The following POLG variants were observed in gnomAD, a reference collection of about 807,000 sequenced individuals.
The protein encoded by POLG is DNA polymerase gamma, catalytic subunit.
Under a neutral mutation model 155.4 loss-of-function variants are expected in POLG, and 110 were observed. The observed-to-expected ratio is 0.71, with a 90% confidence interval of 0.61 to 0.83. POLG has a LOEUF of 0.83. Ranked by LOEUF, POLG falls within the 40% of genes least tolerant of loss-of-function variation. POLG has a pLI of 0.00. For missense variants in POLG, 1,685 were observed against 1,627.5 expected (o/e 1.04, Z -0.61); for synonymous variants, 701 against 631.5 (o/e 1.11, Z -1.65).
chr15:89,325,199 TGAGTGAGAGAGTGAGTGAGTGAGA>T (rs2055486033), intron 10 of POLG, among the ~76,000 whole-genome samples: 3 of 45,862 alleles, frequency 6.5e-5, no homozygotes, highest in East Asian at 5.6e-4. Context: ...AGTGAGAGAG[TGAGTGAGAGAGTGAGTGAGTGAGA>T]GAGTGAGTGA....
rs934302072 is a variant in POLG at position 89,325,261 on chromosome 15, A to T, written c.1949+189T>A. On this transcript the variant is annotated intron_variant, in intron 10 of 22. Coordinates refer to ENST00000268124, the MANE Select transcript of POLG (RefSeq NM_002693.3). ...GAGTGAGTGAGTGAGAGAGAGAGTGAGTGAGTGAGTGAGAGAGAGAGAAAG... is the reference window on the plus strand; with the variant it reads ...GAGTGAGTGAGTGAGAGAGAGAGTGTGTGAGTGAGTGAGAGAGAGAGAAAG... Among the ~76,000 whole-genome samples, 278 of 108,674 alleles carry T rather than the reference A, an allele frequency of 2.6e-3. 49 individuals are homozygous for T. The highest frequency in any genetic ancestry group is 8.8e-3 in the Middle Eastern group (2 of 228). The allele number at this position is 108,674 out of a possible 152,430, so 71.3% of individuals were successfully genotyped here.
chr15:89,320,985 A>G lies in POLG; in HGVS notation c.2762T>C (p.Leu921Pro), dbSNP rs2152061053. The G allele has an allele frequency of 1.2e-6, 2 of 1,614,046 alleles. No individual in the cohort carries two copies. The highest frequency in any genetic ancestry group is 1.7e-6 in the Non-Finnish European group (2 of 1,180,018). The change falls in exon 18 of 23, where the codon CTG (leucine) becomes CCG (proline). Residue 921 changes from leucine (L) to proline (P), a missense_variant. By Grantham distance (98) the Leu-to-Pro change is moderately conservative. Coordinates refer to ENST00000268124, the MANE Select transcript of POLG (RefSeq NM_002693.3). ...HGCTAFGWMTLQGRKSRGTDL... is the reference protein window; with the variant it reads ...HGCTAFGWMTPQGRKSRGTDL... ...AGTGCCCCTGCTCTTCCTGCCCTGCAGTGTCATCCACCCAAAGGCTGTGCA... is the reference window on the plus strand; with the variant it reads ...AGTGCCCCTGCTCTTCCTGCCCTGCGGTGTCATCCACCCAAAGGCTGTGCA...
Position 89,323,391 on chromosome 15 carries a change from AC to A in POLG, c.2265+12del. 2 of 1,561,560 alleles carry A rather than the reference AC, an allele frequency of 1.3e-6. No homozygotes were observed. Among genetic ancestry groups the A allele is most frequent in the Non-Finnish European group, 1.8e-6 (2 of 1,132,192 alleles). On this transcript the variant is annotated intron_variant, in intron 13 of 22. Coordinates refer to ENST00000268124, the MANE Select transcript of POLG (RefSeq NM_002693.3). Reference sequence around the variant, plus strand: ...AGGAAACACCACAGGACAGGCCATGACCCAGGACACACCTTGTGAGGCAGCT... The same window carrying A: ...AGGAAACACCACAGGACAGGCCATGACCAGGACACACCTTGTGAGGCAGCT...
Position 89,327,053 on chromosome 15 carries a change from C to G in POLG, c.1444G>C (p.Asp482His). 6.2e-7 allele frequency: 1 copy of G among 1,614,224 alleles called. No individual in the cohort carries two copies. Among genetic ancestry groups the G allele is most frequent in the Non-Finnish European group, 8.5e-7 (1 of 1,180,044 alleles). Residue 482 changes from aspartate (D) to histidine (H), a missense_variant, in exon 8 of 23, where the codon GAC (aspartate) becomes CAC (histidine). Asp to His is a moderately conservative substitution (Grantham distance 81). Coordinates refer to ENST00000268124, the MANE Select transcript of POLG (RefSeq NM_002693.3). The part of the protein sequence containing the change: ...QLLSGERYKE[D>H]PWLWDLEWDL... Reference sequence around the variant, plus strand: ...CACTCCAGGTCCCAGAGCCAGGGGTCTTCTTTGTACCTACAGAGCCAGTCC... The same window carrying G: ...CACTCCAGGTCCCAGAGCCAGGGGTGTTCTTTGTACCTACAGAGCCAGTCC...
intron 3 of POLG, among the ~76,000 whole-genome samples, chr15:89,329,417 C>T (rs1235631541): frequency 1.3e-5 from 2 of 152,166 alleles, no homozygotes; most frequent in East Asian, 1.9e-4. Context: ...TACAGAGTGG[C>T]CAAAATAAAG....
At chr15:89,318,476 G>T in intron 21 of POLG, 65 bp downstream of exon 21, 1 of 1,364,250 alleles carries the variant, frequency 7.3e-7, no homozygotes, top group Non-Finnish European at 1.0e-6. Flanking sequence ...CTGGCCCAAG[G>T]AACGCTCACC....
At chr15:89,329,175 A>G in intron 3 of POLG, 65 bp from the exon 4 acceptor site, 1 of 1,432,700 alleles carries the variant, frequency 7.0e-7, no homozygotes, top group Middle Eastern at 2.4e-4. Context: ...CCAGCCCACC[A>G]CTGCTTGGTG....
chr15:89,328,771 G>A lies in POLG; in HGVS notation c.1084C>T (p.Leu362Phe). 1 of 1,614,118 alleles carries A rather than the reference G, an allele frequency of 6.2e-7. No individual in the cohort carries two copies. Among genetic ancestry groups the A allele is most frequent in the Non-Finnish European group, 8.5e-7 (1 of 1,180,012 alleles). The part of the protein sequence containing the change: ...SVNSLAEVHR[L>F]YVGGPPLEKE... ...TCTAAGGGAGGCCCCCCTACATAAA[G>A]TCTGTGCACCTCTGCCAGACTGTTG... is the stretch of plus-strand genomic sequence containing the variant. Residue 362 changes from leucine to phenylalanine, a missense_variant, in exon 5 of 23, where the codon CTT becomes TTT. Physicochemically the swap from Leu to Phe is conservative, Grantham distance 22. This residue lies in a region of POLG where 1,210 missense variants were observed against 1,167.1 expected (regional missense o/e 1.04). Coordinates refer to ENST00000268124, the MANE Select transcript of POLG (RefSeq NM_002693.3).
chr15:89,318,844 AC>A (rs2055348738), intron 20 of POLG, 86 bp downstream of exon 20: 11 of 1,568,094 alleles, frequency 7.0e-6, no homozygotes, highest in African/African-American at 1.4e-5. Flanking sequence ...CTCTGGCCCT[AC>A]CTACAAACAT....
At position 89,322,921 on chromosome 15, in the gene POLG, G is replaced by A. The variant is rs780096431; in HGVS notation, c.2266-19C>T. 1.2e-5 allele frequency: 19 copies of A among 1,609,870 alleles called. No homozygotes were observed. Among genetic ancestry groups the A allele is most frequent in the Middle Eastern group, 2.1e-4 (1 of 4,740 alleles). ...TACCATCCTGGACAGAGCAAAGGAA[G>A]CAGGGGCTGGAGGCAGGTGGCAGAC... On this transcript the variant is annotated intron_variant, in intron 13 of 22. Transcript: ENST00000268124.
chr15:89,334,628 G>A lies in POLG; in HGVS notation c.-160+45C>T, dbSNP rs2286353. 0.021 allele frequency: 3,206 copies of A among 152,578 alleles called. 96 individuals are homozygous for A. The highest frequency in any genetic ancestry group is 0.084 in the East Asian group (436 of 5,182). The allele number at this position is 152,578 out of a possible 1,614,324, so 9.5% of individuals were successfully genotyped here. ...TGACTGGAGAGGGAGGGGCCGCGCC[G>A]TCGCTCAGCGACCCGGCCTCCCCGC... On this transcript the variant is annotated intron_variant, in intron 1 of 22. Coordinates refer to ENST00000268124, the MANE Select transcript of POLG (RefSeq NM_002693.3).
intron 8 of POLG, 46 bp downstream of exon 8, chr15:89,326,866 C>T (rs1413822099): frequency 6.2e-7 from 1 of 1,612,332 alleles, no homozygotes. Flanking sequence ...AGGACCTTCC[C>T]AGAGACAACC....
rs777868408 is a variant in POLG at position 89,326,974 on chromosome 15, G to C, written c.1523C>G (p.Ala508Gly). The change falls in exon 8 of 23, where the codon GCC becomes GGC. Residue 508 changes from alanine (A) to glycine (G), a missense_variant. Ala to Gly is a moderately conservative substitution (Grantham distance 60, BLOSUM62 0). Transcript: ENST00000268124. Reference sequence around the variant, plus strand: ...CTCGATGGGCAACTTGCTGGCTGTGGCTGGTTCCTTCTTCACCTTCTTAGC... The same window carrying C: ...CTCGATGGGCAACTTGCTGGCTGTGCCTGGTTCCTTCTTCACCTTCTTAGC... ...KKAKKVKKEP[A>G]TASKLPIEGA... 6.2e-7 allele frequency: 1 copy of C among 1,614,200 alleles called. No individual in the cohort carries two copies.
rs140079523 is a variant in POLG at position 89,318,962 on chromosome 15, C to T, written c.3242G>A (p.Arg1081Gln). ...CTGGACAGCCGAGGGCTCCAGGGCT[C>T]GGCTGATGCAGCAGCCCAGCACCGG... ...RTPVLGCCISRALEPSAVQEE... is the reference protein window; with the variant it reads ...RTPVLGCCISQALEPSAVQEE... Residue 1081 changes from arginine (R) to glutamine (Q), a missense_variant, in exon 20 of 23, where the codon CGA (arginine) becomes CAA (glutamine). Physicochemically the swap from Arg to Gln is conservative, Grantham distance 43. Transcript: ENST00000268124. 12 of 1,614,130 alleles carry T rather than the reference C, an allele frequency of 7.4e-6. No individual in the cohort carries two copies. Among genetic ancestry groups the T allele is most frequent in the South Asian group, 2.2e-5 (2 of 91,082 alleles).
chr15:89,333,648 C>T lies in POLG; in HGVS notation c.107G>A (p.Ser36Asn). 1.3e-6 allele frequency: 2 copies of T among 1,585,606 alleles called. No homozygotes were observed. Among genetic ancestry groups the T allele is most frequent in the South Asian group, 2.2e-5 (2 of 89,190 alleles). ...VSSSVPASDP[S>N]DGQRRRQQQQ... ...CTGCTGCCGCCGCCGCTGCCCGTCG[C>T]TGGGGTCGGACGCGGGGACGGAGCT... The change falls in exon 2 of 23, where the codon AGC (serine) becomes AAC (asparagine). Residue 36 changes from serine (S) to asparagine (N), a missense_variant. Around this residue, in one of 3 missense-constraint regions of POLG, gnomAD observed 1,210 missense variants for 1,167.1 expected, o/e 1.04. Coordinates refer to ENST00000268124, the MANE Select transcript of POLG (RefSeq NM_002693.3).
chr15:89,330,379 C>A, intron 2 of POLG, 103 bp from the exon 3 acceptor site: 1 of 895,634 alleles, frequency 1.1e-6, no homozygotes, highest in Non-Finnish European at 1.8e-6. Flanking sequence ...GGTGCATTGG[C>A]AGCTGGGGAC....
Position 89,325,619 on chromosome 15 carries a change from G to T in POLG, c.1780C>A (p.Leu594Met). 4 of 1,613,494 alleles carry T rather than the reference G, an allele frequency of 2.5e-6. No homozygotes were observed. The highest frequency in any genetic ancestry group is 3.4e-6 in the Non-Finnish European group (4 of 1,180,032). ...AGTTTAGGTGTGACCCGCATCTGCA[G>T]GCTGAGGAGGCTGGGGCCCGGGGTC... is the stretch of plus-strand genomic sequence containing the variant. Reference protein sequence around the residue: ...AWTPGPSLLSLQMRVTPKLMA... With the variant: ...AWTPGPSLLSMQMRVTPKLMA... The change falls in exon 10 of 23, where the codon CTG (leucine) becomes ATG (methionine). Residue 594 changes from leucine to methionine, a missense_variant. Physicochemically the swap from Leu to Met is conservative, Grantham distance 15. Coordinates refer to ENST00000268124, the MANE Select transcript of POLG (RefSeq NM_002693.3).
At chr15:89,327,509 T>C (rs553602522) in intron 6 of POLG, among the ~76,000 whole-genome samples, 160 bp from the exon 7 acceptor site, 1 of 152,294 alleles carries the variant, frequency 6.6e-6, no homozygotes, top group East Asian at 1.9e-4. Context: ...CATCCCTGGG[T>C]AAGCAACCCC....
Position 89,318,757 on chromosome 15 carries a change from G to A in POLG, c.3274-8C>T, listed in dbSNP as rs1184674847. On this transcript the variant is annotated splice_region_variant and splice_polypyrimidine_tract_variant and intron_variant, in intron 20 of 22. Coordinates refer to ENST00000268124, the MANE Select transcript of POLG (RefSeq NM_002693.3). The stretch of plus-strand genomic sequence containing the variant: ...CACACGGCTGGTCATAAACTGGGAA[G>A]GGAAGGTGGGCAGAGGTGAAAGGGG... 6.2e-7 allele frequency: 1 copy of A among 1,612,926 alleles called. No individual in the cohort carries two copies. The highest frequency in any genetic ancestry group is 1.7e-5 in the Admixed American group (1 of 60,028).
Sources: gnomAD v4.1 joint callset for allele counts (sites outside exome capture counted in the v4.1 genomes callset) on GRCh38, gnomAD v4.1.1 for gene constraint, gnomAD v4.1.1 regional missense constraint, MANE v1.5 for transcripts, NCBI Gene and HGNC (gene_info 2026-07-23, HGNC 2026-07-21) for gene names.